Variants in LDHAL6A observed in about 807,000 individuals in gnomAD.
The protein encoded by LDHAL6A is L-lactate dehydrogenase A-like 6A.
LDHAL6A carries 19 observed loss-of-function variants against 28.2 expected under a neutral mutation model. The ratio of observed to expected loss-of-function variants is 0.67; its 90% confidence interval spans 0.47 to 0.99. The LOEUF is 0.99. LDHAL6A is among the 50% of genes least tolerant of loss of function. The probability of loss-of-function intolerance (pLI) is 0.00; values close to 1 mark genes in which losing one functional copy is unlikely to be tolerated. For synonymous variants in LDHAL6A, 144 were observed against 134.4 expected, an observed-to-expected ratio of 1.07 and a Z score of -0.49; for missense variants, 372 against 398.6, an observed-to-expected ratio of 0.93 and a Z score of 0.57.
chr11:18,462,835 A>G, intron 1 of LDHAL6A, among the ~76,000 whole-genome samples: 1 of 84,270 alleles, frequency 1.2e-5, no homozygotes, highest in South Asian at 2.9e-4. Context: ...ACTCCATCTC[A>G]AAAAAAAACA....
chr11:18,459,715 C>CTA (rs1023431487), intron 1 of LDHAL6A, among the ~76,000 whole-genome samples: 107 of 152,250 alleles, frequency 7.0e-4, no homozygotes, highest in African/African-American at 2.2e-3. Flanking sequence ...TAGTTTTTAC[C>CTA]TGTCCTTTTT....
At chr11:18,461,953 C>G (rs113469528) in intron 1 of LDHAL6A, among the ~76,000 whole-genome samples, 8,545 of 151,394 alleles carry the variant, frequency 0.056, 811 homozygotes, top group African/African-American at 0.2. Flanking sequence ...GACTTTGAGA[C>G]CAGCCTGGGC....
intron 3 of LDHAL6A, among the ~76,000 whole-genome samples, chr11:18,473,948 T>C (rs1198231071): frequency 6.6e-6 from 1 of 152,234 alleles, no homozygotes; most frequent in African/African-American, 2.4e-5. Context: ...GAATGAGTTT[T>C]CCTACAGTTA....
At chr11:18,463,186 G>A (rs901895998) in intron 1 of LDHAL6A, among the ~76,000 whole-genome samples, 2 of 152,202 alleles carry the variant, frequency 1.3e-5, no homozygotes, top group African/African-American at 4.8e-5. Context: ...GTATTGAGAG[G>A]TGGGGCCTTT....
At position 18,477,616 on chromosome 11, in the gene LDHAL6A, A is replaced by G; in HGVS notation, c.711-4A>G. 2 of 1,602,042 alleles carry G rather than the reference A, an allele frequency of 1.2e-6. No homozygotes were observed. Among genetic ancestry groups the G allele is most frequent in the Middle Eastern group, 2.1e-4 (1 of 4,744 alleles). On this transcript the variant is annotated splice_polypyrimidine_tract_variant and splice_region_variant and intron_variant, in intron 5 of 6. Transcript: ENST00000280706. ...CTTATGTTTATGGTTTCTTCTATCTACAGTGGCTATGAGATGGTCAAAATG... is the reference window on the plus strand; with the variant it reads ...CTTATGTTTATGGTTTCTTCTATCTGCAGTGGCTATGAGATGGTCAAAATG...
intron 2 of LDHAL6A, among the ~76,000 whole-genome samples, chr11:18,464,992 G>GTTTTTTT (rs1212053975): frequency 8.3e-6 from 1 of 119,822 alleles, no homozygotes; most frequent in Non-Finnish European, 1.7e-5. Context: ...TTTTTGTTTT[G>GTTTTTTT]TTTTGTTTTG....
chr11:18,460,739 G>A (rs1204086983), intron 1 of LDHAL6A, among the ~76,000 whole-genome samples: 1 of 152,044 alleles, frequency 6.6e-6, no homozygotes, highest in African/African-American at 2.4e-5. Context: ...CAGCTTGGGT[G>A]ACAAAGTGAG....
chr11:18,464,124 C>G, intron 2 of LDHAL6A, 46 bp downstream of exon 2: 5 of 1,250,384 alleles, frequency 4.0e-6, no homozygotes, highest in Non-Finnish European at 5.9e-6. Context: ...TATACATGAA[C>G]AAGTATCTAA....
intron 1 of LDHAL6A, among the ~76,000 whole-genome samples, chr11:18,462,520 C>A (rs1317198201): frequency 6.6e-6 from 1 of 151,780 alleles, no homozygotes; most frequent in Non-Finnish European, 1.5e-5. Context: ...GCCTGTAGTC[C>A]CAGCTACTCG....
At position 18,456,770 on chromosome 11, in the gene LDHAL6A, G is replaced by T. The variant is rs921958121; in HGVS notation, c.90G>T (p.Ser30=). ...HNKISIVGTG[S]VGVACAISIL... ...AGATCTCCATTGTAGGAACTGGATC[G>T]GTTGGTGTGGCTTGTGCTATCAGCA... The change falls in exon 1 of 7, where the codon TCG becomes TCT. Residue 30 remains serine, a synonymous_variant. Coordinates refer to ENST00000280706, the MANE Select transcript of LDHAL6A (RefSeq NM_144972.5). 1 of 1,613,932 alleles carries T rather than the reference G, an allele frequency of 6.2e-7. No individual in the cohort carries two copies. The highest frequency in any genetic ancestry group is 1.6e-4 in the Middle Eastern group (1 of 6,062).
At position 18,475,610 on chromosome 11, in the gene LDHAL6A, T is replaced by A. The variant is rs1317942456; in HGVS notation, c.563T>A (p.Leu188Gln). 1 of 1,613,764 alleles carries A rather than the reference T, an allele frequency of 6.2e-7. No homozygotes were observed. The highest frequency in any genetic ancestry group is 1.7e-5 in the Admixed American group (1 of 59,960). ...ATCCACTCTGAAAGCTGTCATGGGC[T>A]GATCCTTGGAGAGCATGGCGACTCA... ...LGIHSESCHG[L>Q]ILGEHGDSSV... Residue 188 changes from leucine to glutamine, a missense_variant, in exon 4 of 7, where the codon CTG becomes CAG. Leu to Gln is a moderately radical substitution (Grantham distance 113, BLOSUM62 -2). This residue lies in a region of LDHAL6A where 291 missense variants were observed against 302.9 expected (regional missense o/e 0.96). Transcript: ENST00000280706.
rs922098547 is a variant in LDHAL6A at position 18,456,468 on chromosome 11, G to A, written c.-213G>A. Reference sequence around the variant, plus strand: ...CGCTTCCTTCTCCTTCCCCTGGTCCGCTTCATGGATGCTGAGCTGCCTGGC... The same window carrying A: ...CGCTTCCTTCTCCTTCCCCTGGTCCACTTCATGGATGCTGAGCTGCCTGGC... On this transcript the variant is annotated 5_prime_UTR_variant, in exon 1 of 7. Transcript: ENST00000280706. 1.5e-5 allele frequency: 8 copies of A among 530,622 alleles called. No homozygotes were observed. The highest frequency in any genetic ancestry group is 1.4e-4 in the Admixed American group (4 of 28,228). 32.9% of individuals were successfully genotyped at this position (530,622 alleles called of 1,614,324 possible). A position where few individuals can be genotyped will look rare whatever the true frequency, so the allele number is the denominator to read the frequency against.
At position 18,465,789 on chromosome 11, in the gene LDHAL6A, C is replaced by T; in HGVS notation, c.397C>T (p.Leu133=). Residue 133 remains leucine (L), a synonymous_variant, in exon 3 of 7, where the codon CTG becomes TTG. Transcript: ENST00000280706. ...NITQYSPHCK[L]LIVTNPVDIL... is the part of the protein sequence containing the mutation. ...TACCCAGTACAGTCCTCACTGCAAA[C>T]TGCTTATTGTTACTAATCCAGGTCA... is the stretch of plus-strand genomic sequence containing the variant. 6.2e-7 allele frequency: 1 copy of T among 1,611,784 alleles called. No individual in the cohort carries two copies.
intron 6 of LDHAL6A, 44 bp downstream of exon 6, chr11:18,477,787 A>AG (rs1849427475): frequency 1.3e-6 from 2 of 1,552,132 alleles, no homozygotes; most frequent in Non-Finnish European, 1.7e-6. Context: ...AACATAAAAT[A>AG]GGGGGGTAAA....
At position 18,479,028 on chromosome 11, in the gene LDHAL6A, T is replaced by C. The variant is rs1420960721; in HGVS notation, c.*158T>C. On this transcript the variant is annotated 3_prime_UTR_variant, in exon 7 of 7. Transcript: ENST00000280706. ...CTTCCAGCTTTTTTTTTTTTCTTTT[T>C]TGGGAGGGTCTCATTCTGTCACCCA... 3 of 603,006 alleles carry C rather than the reference T, an allele frequency of 5.0e-6. No homozygotes were observed. Among genetic ancestry groups the C allele is most frequent in the East Asian group, 6.3e-5 (2 of 31,776 alleles). The allele number at this position is 603,006 out of a possible 1,614,324, so 37.4% of individuals were successfully genotyped here.
chr11:18,462,420 T>A (rs12808153), intron 1 of LDHAL6A, among the ~76,000 whole-genome samples: 5 of 151,190 alleles, frequency 3.3e-5, no homozygotes, highest in Non-Finnish European at 7.4e-5. Flanking sequence ...GGCGGATCAC[T>A]AGGTCAGGAG....
chr11:18,471,557 T>A (rs61882887), intron 3 of LDHAL6A, among the ~76,000 whole-genome samples: 26,401 of 151,948 alleles, frequency 0.17, 2,795 homozygotes, highest in East Asian at 0.43. Context: ...ATTATTTTAA[T>A]ATAGCATTTT....
At chr11:18,467,972 T>TATATAC (rs1849141408) in intron 3 of LDHAL6A, among the ~76,000 whole-genome samples, 1 of 43,564 alleles carries the variant, frequency 2.3e-5, no homozygotes, top group African/African-American at 1.2e-4. Context: ...TATATACGTA[T>TATATAC]ATATATACGT....
chr11:18,468,767 C>A (rs1849187387), intron 3 of LDHAL6A: 1 of 154,280 alleles, frequency 6.5e-6, no homozygotes, highest in African/African-American at 2.4e-5. Context: ...AACGGTATCC[C>A]ATAAGTTTGA....
Sources: gnomAD v4.1 joint callset for allele counts (sites outside exome capture counted in the v4.1 genomes callset) on GRCh38, gnomAD v4.1.1 for gene constraint, gnomAD v4.1.1 regional missense constraint, MANE v1.5 for transcripts, NCBI Gene and HGNC (gene_info 2026-07-23, HGNC 2026-07-21) for gene names.